TYW1: variants seen among roughly 807,000 people sequenced by gnomAD.
TYW1 encodes tRNA-yW synthesizing protein 1 homolog.
TYW1 carries 46 observed loss-of-function variants against 96.2 expected under a neutral mutation model. The ratio of observed to expected loss-of-function variants is 0.48; its 90% confidence interval spans 0.38 to 0.61. TYW1 has a LOEUF of 0.61. Among genes scored for constraint, TYW1 ranks in the 20% least tolerant of loss-of-function variants. TYW1 has a pLI of 0.00. For missense variants in TYW1, 684 were observed against 909.6 expected (o/e 0.75, Z 3.19); for synonymous variants, 274 against 323.0 (o/e 0.85, Z 1.63).
chr7:67,174,409 G>T (rs1799601399), intron 13 of TYW1, among the ~76,000 whole-genome samples: 1 of 151,088 alleles, frequency 6.6e-6, no homozygotes, highest in Non-Finnish European at 1.5e-5. Flanking sequence ...CACAAACCAT[G>T]GAGCCTCAAA....
intron 11 of TYW1, among the ~76,000 whole-genome samples, chr7:67,085,673 ATAAT>A (rs1796526830): frequency 6.6e-6 from 1 of 152,190 alleles, no homozygotes; most frequent in Admixed American, 6.5e-5. Flanking sequence ...TTTATAAAAG[ATAAT>A]TATTCAGTAG....
At chr7:67,071,851 G>A (rs920998754) in intron 10 of TYW1, among the ~76,000 whole-genome samples, 2 of 151,956 alleles carry the variant, frequency 1.3e-5, no homozygotes, top group African/African-American at 4.8e-5. Flanking sequence ...CAAACTCCTG[G>A]CCTCAAGTGA....
At chr7:67,029,460 G>A (rs1176412931) in intron 7 of TYW1, among the ~76,000 whole-genome samples, 3 of 108,954 alleles carry the variant, frequency 2.8e-5, no homozygotes, top group Non-Finnish European at 3.9e-5. Context: ...TGGGTTCACT[G>A]AAAGACTTTG....
At chr7:67,052,713 T>C (rs567530968) in intron 8 of TYW1, among the ~76,000 whole-genome samples, 78 of 152,262 alleles carry the variant, frequency 5.1e-4, no homozygotes, top group Admixed American at 3.3e-4. Flanking sequence ...TATTAGGTAC[T>C]GGGTATTTTT....
intron 15 of TYW1, among the ~76,000 whole-genome samples, chr7:67,217,846 C>CT (rs57748332): frequency 0.05 from 3,452 of 69,250 alleles, 686 homozygotes; most frequent in African/African-American, 0.058. Flanking sequence ...GTGTTGATGT[C>CT]TTTTTTTTTT....
At chr7:67,054,403 G>T (rs944261548) in intron 8 of TYW1, among the ~76,000 whole-genome samples, 10 of 152,136 alleles carry the variant, frequency 6.6e-5, no homozygotes, top group African/African-American at 2.4e-4. Flanking sequence ...GGAATTCCAA[G>T]AGAAGAACTA....
intron 5 of TYW1, among the ~76,000 whole-genome samples, chr7:67,017,102 C>G (rs2129242710): frequency 6.6e-6 from 1 of 151,012 alleles, no homozygotes; most frequent in South Asian, 2.1e-4. Context: ...CATGACTCGA[C>G]CTTACAAGTA....
At chr7:67,078,878 TAG>T (rs1192729928) in intron 10 of TYW1, among the ~76,000 whole-genome samples, 2 of 152,096 alleles carry the variant, frequency 1.3e-5, no homozygotes, top group Non-Finnish European at 2.9e-5. Flanking sequence ...ATTTTTTTAG[TAG>T]AGACAGGGTT....
At chr7:67,085,549 T>A (rs2115786660) in intron 11 of TYW1, among the ~76,000 whole-genome samples, 1 of 152,300 alleles carries the variant, frequency 6.6e-6, no homozygotes, top group African/African-American at 2.4e-5. Context: ...CTTTATAAAT[T>A]ACCCTGTCTC....
chr7:67,002,856 C>CTT (rs547425705), intron 3 of TYW1, among the ~76,000 whole-genome samples: 2,243 of 110,828 alleles, frequency 0.02, 66 homozygotes, highest in African/African-American at 0.068. Flanking sequence ...TTTCTTTTTT[C>CTT]TTTTTTTTTT....
intron 7 of TYW1, among the ~76,000 whole-genome samples, chr7:67,038,591 G>A (rs1794910858): frequency 6.6e-6 from 1 of 151,956 alleles, no homozygotes; most frequent in Non-Finnish European, 1.5e-5. Flanking sequence ...GGACAACAGA[G>A]TAAAACCTTG....
At chr7:67,132,987 GT>G (rs1478857962) in intron 13 of TYW1, among the ~76,000 whole-genome samples, 3 of 152,138 alleles carry the variant, frequency 2.0e-5, no homozygotes, top group Non-Finnish European at 4.4e-5. Flanking sequence ...GTGGTTGGAA[GT>G]TGCTGGATCA....
chr7:67,215,996 C>T (rs1801187720), intron 15 of TYW1, among the ~76,000 whole-genome samples: 1 of 142,692 alleles, frequency 7.0e-6, no homozygotes, highest in Admixed American at 6.9e-5. Flanking sequence ...AGGATTAATA[C>T]TTTGTGTCCT....
chr7:67,076,922 G>T (rs922857941), intron 10 of TYW1, among the ~76,000 whole-genome samples: 2 of 151,602 alleles, frequency 1.3e-5, no homozygotes, highest in Non-Finnish European at 2.9e-5. Context: ...TTACAGGCTC[G>T]TGCCACCACC....
chr7:67,060,658 T>C (rs766581393), intron 9 of TYW1, among the ~76,000 whole-genome samples: 8 of 152,182 alleles, frequency 5.3e-5, no homozygotes, highest in Middle Eastern at 3.2e-3. Context: ...ATTTCTTAAG[T>C]TAGGTTTTGT....
chr7:67,182,279 C>T (rs1209687352), intron 13 of TYW1, among the ~76,000 whole-genome samples: 2 of 152,210 alleles, frequency 1.3e-5, no homozygotes, highest in Non-Finnish European at 2.9e-5. Flanking sequence ...TTTCAGAAAT[C>T]TAGCTTGGCT....
intron 7 of TYW1, among the ~76,000 whole-genome samples, chr7:67,029,437 A>ATATATATATATAT (rs746024597): frequency 1.4e-5 from 2 of 146,554 alleles, no homozygotes; most frequent in African/African-American, 5.0e-5. Flanking sequence ...ATATATAAAT[A>ATATATATATATAT]GTATTTTCTA....
intron 13 of TYW1, among the ~76,000 whole-genome samples, chr7:67,173,284 G>A (rs1472868398): frequency 6.6e-6 from 1 of 151,942 alleles, no homozygotes; most frequent in Admixed American, 6.6e-5. Flanking sequence ...CCTTTCTTGT[G>A]TGCTACTTAT....
chr7:67,083,693 C>T (rs1330796692), intron 11 of TYW1, among the ~76,000 whole-genome samples, 154 bp downstream of exon 11: 1 of 152,160 alleles, frequency 6.6e-6, no homozygotes, highest in African/African-American at 2.4e-5. Context: ...ATATATTTTG[C>T]CTTTTTAGCT....
Sources: gnomAD v4.1 joint callset for allele counts (sites outside exome capture counted in the v4.1 genomes callset) on GRCh38, gnomAD v4.1.1 for gene constraint, MANE v1.5 for transcripts, NCBI Gene and HGNC (gene_info 2026-07-23, HGNC 2026-07-21) for gene names.